The following ITPKB variants were observed in gnomAD, a reference collection of about 807,000 sequenced individuals.
ITPKB encodes the protein inositol-trisphosphate 3-kinase B.
In ITPKB, 13 loss-of-function variants were observed where a neutral mutation model predicts 69.4. The observed-to-expected ratio is 0.19, with a 90% confidence interval of 0.12 to 0.30. The LOEUF is 0.30. ITPKB is among the 10% of genes least tolerant of loss of function. The probability of loss-of-function intolerance (pLI) is 1.00; values close to 1 mark genes in which losing one functional copy is unlikely to be tolerated. For missense variants in ITPKB, 1,240 were observed against 1,250.5 expected, an observed-to-expected ratio of 0.99 and a Z score of 0.13; for synonymous variants, 584 against 513.7, an observed-to-expected ratio of 1.14 and a Z score of -1.85.
intron 4 of ITPKB, among the ~76,000 whole-genome samples, chr1:226,644,595 G>A (rs1207235741): frequency 1.3e-5 from 2 of 152,218 alleles, no homozygotes; most frequent in Admixed American, 6.5e-5. Context: ...GCACATGTCG[G>A]CGGGAGCCAG....
intron 2 of ITPKB, among the ~76,000 whole-genome samples, chr1:226,667,088 G>C (rs1195547331): frequency 5.3e-5 from 8 of 151,920 alleles, no homozygotes; most frequent in Admixed American, 3.3e-4. Context: ...CCTCCTCTTT[G>C]CACTTTTTGC....
At chr1:226,635,346 G>A (rs138828002) in intron 7 of ITPKB, among the ~76,000 whole-genome samples, 3,600 of 152,086 alleles carry the variant, frequency 0.024, 159 homozygotes, top group African/African-American at 0.083. Flanking sequence ...ACAGCCTCCC[G>A]AGTAGTTGGG....
chr1:226,737,173 T>TACTGCCGCTGCTGCCGCTGCC lies in ITPKB; in HGVS notation c.265_285dup (p.Gly89_Ser95dup), dbSNP rs777704475. 9 of 1,579,182 alleles carry TACTGCCGCTGCTGCCGCTGCC rather than the reference T, an allele frequency of 5.7e-6. No individual in the cohort carries two copies. The highest frequency in any genetic ancestry group is 2.3e-5 in the East Asian group (1 of 43,908). On this transcript the variant is annotated inframe_insertion, in exon 2 of 8. Coordinates refer to ENST00000429204, the MANE Select transcript of ITPKB (RefSeq NM_002221.4). ...CCAGCCCAACTTGGGCTGCTCACGC[T>TACTGCCGCTGCTGCCGCTGCC]ACTGCCGCTGCTGCCGCTGCCACTG...
At chr1:226,696,163 G>A (rs1428356481) in intron 2 of ITPKB, among the ~76,000 whole-genome samples, 2 of 152,154 alleles carry the variant, frequency 1.3e-5, no homozygotes, top group Non-Finnish European at 2.9e-5. Context: ...GTCACTAGCT[G>A]GGTGAATTTA....
intron 2 of ITPKB, among the ~76,000 whole-genome samples, chr1:226,658,190 T>C (rs1005520720): frequency 1.3e-5 from 2 of 152,252 alleles, no homozygotes; most frequent in Admixed American, 1.3e-4. Flanking sequence ...AGTTAGGGTT[T>C]CCCTAGTGAT....
intron 2 of ITPKB, among the ~76,000 whole-genome samples, chr1:226,676,931 T>C (rs1669745001): frequency 6.6e-6 from 1 of 152,228 alleles, no homozygotes; most frequent in Admixed American, 6.5e-5. Flanking sequence ...CATATTGTGT[T>C]GTCTTTTACG....
At chr1:226,724,217 C>T (rs1451406393) in intron 2 of ITPKB, among the ~76,000 whole-genome samples, 1 of 152,140 alleles carries the variant, frequency 6.6e-6, no homozygotes, top group African/African-American at 2.4e-5. Flanking sequence ...GGGTTCAGGT[C>T]TGGCTGGCTC....
chr1:226,728,768 C>T (rs992624247), intron 2 of ITPKB, among the ~76,000 whole-genome samples: 1 of 152,178 alleles, frequency 6.6e-6, no homozygotes, highest in Non-Finnish European at 1.5e-5. Flanking sequence ...CATGAGGTCA[C>T]ACTTACTCTC....
At chr1:226,710,557 C>T (rs4653463) in intron 2 of ITPKB, among the ~76,000 whole-genome samples, 6,001 of 152,290 alleles carry the variant, frequency 0.039, 293 homozygotes, top group African/African-American at 0.1. Flanking sequence ...CACTCTTAAG[C>T]GTCTACTGCC....
At position 226,735,545 on chromosome 1, in the gene ITPKB, G is replaced by A. The variant is rs772110934; in HGVS notation, c.1914C>T (p.Asp638=). The A allele has an allele frequency of 3.9e-6, 6 of 1,531,600 alleles. No individual in the cohort carries two copies. In the East Asian group the frequency reaches 6.9e-5, roughly 18 times the overall value. 94.9% of individuals were successfully genotyped at this position (1,531,600 alleles called of 1,614,324 possible). A position where few individuals can be genotyped will look rare whatever the true frequency, so the allele number is the denominator to read the frequency against. The change falls in exon 2 of 8, where the codon GAC becomes GAT. Residue 638 remains aspartate, a synonymous_variant. Coordinates refer to ENST00000429204, the MANE Select transcript of ITPKB (RefSeq NM_002221.4). ...GACTTACCACTCTAGGTTTCTGCTG[G>A]TCCAGGGTATGCAGGAAGGCTGAGT... ...DPNSAFLHTL[D]QQKPRVSKSW...
intron 2 of ITPKB, among the ~76,000 whole-genome samples, chr1:226,671,004 A>G (rs1340642097): frequency 6.6e-6 from 1 of 152,228 alleles, no homozygotes; most frequent in Admixed American, 6.5e-5. Context: ...ACCATATCTT[A>G]CACCTTCAGT....
intron 2 of ITPKB, among the ~76,000 whole-genome samples, chr1:226,664,443 C>T (rs951437155): frequency 6.1e-5 from 9 of 148,254 alleles, no homozygotes; most frequent in African/African-American, 1.7e-4. Flanking sequence ...TGCTGTGTGC[C>T]GGGCAGTACA....
intron 2 of ITPKB, among the ~76,000 whole-genome samples, chr1:226,659,351 A>G (rs570523712): frequency 6.6e-6 from 1 of 151,922 alleles, no homozygotes; most frequent in African/African-American, 2.4e-5. Context: ...CTCCCTGACC[A>G]CCCATAAGAG....
Position 226,718,666 on chromosome 1 carries a change from C to CGG in ITPKB, c.1932+16860_1932+16861insCC, listed in dbSNP as rs1310284676. ...ACAATGAGATGGCCTTGCATACCTGCATACCTACCAGAGTGGCTAAAATAA... is the reference window on the plus strand; with the variant it reads ...ACAATGAGATGGCCTTGCATACCTGCGGATACCTACCAGAGTGGCTAAAATAA... On this transcript the variant is annotated intron_variant, in intron 2 of 7. Transcript: ENST00000429204. Among the ~76,000 whole-genome samples, 32 of 152,270 alleles carry CGG rather than the reference C, an allele frequency of 2.1e-4. No individual in the cohort carries two copies. In the East Asian group the frequency reaches 5.6e-3, roughly 27 times the overall value.
At chr1:226,655,798 C>G (rs912110768) in intron 2 of ITPKB, among the ~76,000 whole-genome samples, 2 of 152,218 alleles carry the variant, frequency 1.3e-5, no homozygotes, top group East Asian at 3.8e-4. Flanking sequence ...TGTTATATTT[C>G]TCAGTGCAAT....
At position 226,637,367 on chromosome 1, in the gene ITPKB, C is replaced by T. The variant is rs1668860533; in HGVS notation, c.2625+312G>A. Reference sequence around the variant, plus strand: ...ACTCTAGCAGCTCAGAGAGCTTCTGCCCTGAGACCACGGGTGTGTGGGATA... The same window carrying T: ...ACTCTAGCAGCTCAGAGAGCTTCTGTCCTGAGACCACGGGTGTGTGGGATA... On this transcript the variant is annotated intron_variant, in intron 7 of 7. Transcript: ENST00000429204. This position sits in a 1 kb window ranked among gnomAD's most constrained non-coding sequence, Gnocchi z 4.3. Among the ~76,000 whole-genome samples the T allele has an allele frequency of 6.6e-6, 1 of 152,208 alleles. No homozygotes were observed. Among genetic ancestry groups the T allele is most frequent in the Non-Finnish European group, 1.5e-5 (1 of 68,030 alleles).
In ITPKB at chr1:226,736,510, G is replaced by A. The variant is rs773508986; in HGVS notation, c.949C>T (p.Arg317Cys). ...TCAGTGAGGGCAAGATCCTGTGGACGGTGTGGCCCAGTGGATGTAACTCTC... is the reference window on the plus strand; with the variant it reads ...TCAGTGAGGGCAAGATCCTGTGGACAGTGTGGCCCAGTGGATGTAACTCTC... ...AARVTSTGPHRPQDLALTEPS... is the reference protein window; with the variant it reads ...AARVTSTGPHCPQDLALTEPS... The change falls in exon 2 of 8, where the codon CGT becomes TGT. Residue 317 changes from arginine (R) to cysteine (C), a missense_variant. By Grantham distance (180) the Arg-to-Cys change is radical. Transcript: ENST00000429204. 2.5e-6 allele frequency: 4 copies of A among 1,613,908 alleles called. No individual in the cohort carries two copies. The highest frequency in any genetic ancestry group is 2.5e-6 in the Non-Finnish European group (3 of 1,180,056).
chr1:226,690,852 A>G (rs1356814039), intron 2 of ITPKB, among the ~76,000 whole-genome samples: 1 of 152,240 alleles, frequency 6.6e-6, no homozygotes. Flanking sequence ...ACAAAATGTG[A>G]TATAGACACA....
intron 2 of ITPKB, among the ~76,000 whole-genome samples, chr1:226,665,905 C>T (rs1450669500): frequency 6.6e-6 from 1 of 152,202 alleles, no homozygotes; most frequent in African/African-American, 2.4e-5. Flanking sequence ...AGCCTAGCAT[C>T]CTGGCAATGA....
Sources: allele counts gnomAD v4.1 joint callset (sites outside exome capture counted in the v4.1 genomes callset), GRCh38; gene constraint gnomAD v4.1.1; non-coding constraint Gnocchi (gnomAD v3.1); transcripts MANE v1.5; gene names NCBI Gene and HGNC (gene_info 2026-07-23, HGNC 2026-07-21).